The following EAF1 variants were observed in gnomAD, a reference collection of about 807,000 sequenced individuals.
The protein encoded by EAF1 is ELL associated factor 1.
EAF1 carries 19 observed loss-of-function variants against 26.6 expected under a neutral mutation model. The ratio of observed to expected loss-of-function variants is 0.71; its 90% CI spans 0.50 to 1.05. EAF1 has a LOEUF of 1.05. Ranked by LOEUF, EAF1 falls within the 50% of genes least tolerant of loss-of-function variation. The pLI is 0.00. For missense variants in EAF1, 260 were observed against 335.5 expected (o/e 0.78, Z 1.76); for synonymous variants, 102 against 120.6 (o/e 0.85, Z 1.01).
intron 4 of EAF1, among the ~76,000 whole-genome samples, chr3:15,435,000 G>A (rs2061826322): frequency 1.3e-5 from 2 of 152,194 alleles, no homozygotes; most frequent in South Asian, 4.1e-4. Context: ...ATCGCTTGAA[G>A]TTGGGAGTTT....
In EAF1 at chr3:15,441,270, A is replaced by G. The variant is rs747443052; in HGVS notation, c.*2115A>G. The stretch of plus-strand genomic sequence containing the variant: ...CCAGCTTTACCCACCAGAGTAAGCA[A>G]TCTTTTCTTTTTAGAAATCAAGAAT... On this transcript the variant is annotated 3_prime_UTR_variant, in exon 6 of 6. Coordinates refer to ENST00000396842, the MANE Select transcript of EAF1 (RefSeq NM_033083.7). 6.5e-6 allele frequency: 1 copy of G among 153,694 alleles called. No homozygotes were observed. Among genetic ancestry groups the G allele is most frequent in the Non-Finnish European group, 1.5e-5 (1 of 68,048 alleles). 9.5% of individuals were successfully genotyped at this position (153,694 alleles called of 1,614,324 possible). A position where few individuals can be genotyped will look rare whatever the true frequency, so the allele number is the denominator to read the frequency against.
intron 2 of EAF1, among the ~76,000 whole-genome samples, chr3:15,430,332 T>G (rs1249692238): frequency 6.6e-6 from 1 of 151,768 alleles, no homozygotes; most frequent in Non-Finnish European, 1.5e-5. Flanking sequence ...TGATGGCACA[T>G]GTCTGTGGTT....
At chr3:15,437,246 CT>C (rs71045159) in intron 5 of EAF1, among the ~76,000 whole-genome samples, 7,887 of 120,388 alleles carry the variant, frequency 0.066, 591 homozygotes, top group African/African-American at 0.2. Context: ...AGTGTGGTGG[CT>C]TTTTTTTTTT....
Position 15,435,084 on chromosome 3 carries a change from T to G in EAF1, c.526+546T>G, listed in dbSNP as rs9824646. Among the ~76,000 whole-genome samples the G allele has an allele frequency of 6.1e-3, 927 of 152,158 alleles. 14 individuals carry two copies. Among genetic ancestry groups the G allele is most frequent in the African/African-American group, 0.021 (873 of 41,510 alleles). On this transcript the variant is annotated intron_variant, in intron 4 of 5. Transcript: ENST00000396842. ...AGCCTGGGCAATAACATCTCTTTTT[T>G]GGGGGGAAAAAAAGGATTAAAATGC...
At chr3:15,428,788 C>G (rs537738074) in intron 1 of EAF1, among the ~76,000 whole-genome samples, 35 of 152,166 alleles carry the variant, frequency 2.3e-4, no homozygotes, top group Non-Finnish European at 3.1e-4. Flanking sequence ...TTCCGTGGTG[C>G]TAACGCTGTT....
chr3:15,439,065 T>G (rs750879551), intron 5 of EAF1, 44 bp from the exon 6 acceptor site: 3 of 1,560,660 alleles, frequency 1.9e-6, no homozygotes, highest in Non-Finnish European at 2.6e-6. Context: ...ATTCTGTACT[T>G]TTGTTTGATT....
chr3:15,439,010 A>G, intron 5 of EAF1, 99 bp from the exon 6 acceptor site: 1 of 1,145,616 alleles, frequency 8.7e-7, no homozygotes. Context: ...CTGTAGTGTG[A>G]TAGCCAAGGC....
Position 15,434,504 on chromosome 3 carries a change from C to A in EAF1, c.492C>A (p.Pro164=), listed in dbSNP as rs1563415. 6 of 1,614,052 alleles carry A rather than the reference C, an allele frequency of 3.7e-6. No homozygotes were observed. Among genetic ancestry groups the A allele is most frequent in the Admixed American group, 3.3e-5 (2 of 60,010 alleles). ...GPKTSPLKDN[P]SPEPQLDDIK... ...AAACTTCTCCCTTGAAAGATAACCC[C>A]TCACCTGAACCTCAGTTGGATGACA... Residue 164 remains proline, a synonymous_variant, in exon 4 of 6, where the codon CCC becomes CCA. Transcript: ENST00000396842.
rs990221004 is a variant in EAF1 at position 15,441,387 on chromosome 3, T to A, written c.*2232T>A. On this transcript the variant is annotated 3_prime_UTR_variant, in exon 6 of 6. Transcript: ENST00000396842. ...TCTGTGCCTTCTCTCATTCTCCTTCTCTCCCTCCATACCCCACTTTTGAGG... is the reference window on the plus strand; with the variant it reads ...TCTGTGCCTTCTCTCATTCTCCTTCACTCCCTCCATACCCCACTTTTGAGG... The A allele has an allele frequency of 6.5e-6, 1 of 153,388 alleles. No homozygotes were observed. Among genetic ancestry groups the A allele is most frequent in the Non-Finnish European group, 1.5e-5 (1 of 68,050 alleles). The allele number at this position is 153,388 out of a possible 1,614,324, so 9.5% of individuals were successfully genotyped here.
intron 2 of EAF1, among the ~76,000 whole-genome samples, chr3:15,431,484 T>C (rs1341219568): frequency 7.2e-5 from 11 of 152,206 alleles, no homozygotes; most frequent in Non-Finnish European, 1.5e-4. Flanking sequence ...CCTTCTGCTC[T>C]GAAGCACATG....
Position 15,439,152 on chromosome 3 carries a change from C to T in EAF1, c.804C>T (p.Asp268=), listed in dbSNP as rs775428925. ...GTGAGTCTGGCAGTGACAGTGATGA[C>T]TAGTGCTGGATCTTTCGAAACCTAC... The part of the protein sequence containing the change: ...QLSESGSDSD[D] Residue 268 remains aspartate, a synonymous_variant, in exon 6 of 6, where the codon GAC becomes GAT. Transcript: ENST00000396842. 14 of 1,612,972 alleles carry T rather than the reference C, an allele frequency of 8.7e-6. No individual in the cohort carries two copies. In the South Asian group the frequency reaches 1.3e-4, roughly 15 times the overall value.
Position 15,440,078 on chromosome 3 carries a change from C to T in EAF1, c.*923C>T, listed in dbSNP as rs988939496. Reference sequence around the variant, plus strand: ...ATGTGGATCCATACTAAGTATTCTTCAGTCAGTGGATTTTAGCAAGGGGAG... The same window carrying T: ...ATGTGGATCCATACTAAGTATTCTTTAGTCAGTGGATTTTAGCAAGGGGAG... On this transcript the variant is annotated 3_prime_UTR_variant, in exon 6 of 6. Coordinates refer to ENST00000396842, the MANE Select transcript of EAF1 (RefSeq NM_033083.7). The T allele has an allele frequency of 2.0e-5, 3 of 152,206 alleles. No homozygotes were observed. The highest frequency in any genetic ancestry group is 4.4e-5 in the Non-Finnish European group (3 of 68,040). The allele number at this position is 152,206 out of a possible 1,614,324, so 9.4% of individuals were successfully genotyped here.
chr3:15,428,924 A>T (rs2061778649), intron 1 of EAF1, among the ~76,000 whole-genome samples: 1 of 152,238 alleles, frequency 6.6e-6, no homozygotes. Context: ...CTTCCTACTG[A>T]CAGCAGATCC....
At position 15,434,201 on chromosome 3, in the gene EAF1, A is replaced by G. The variant is rs559941958; in HGVS notation, c.336-147A>G. ...CACTCAAATGTTGAATGAATAGCTC[A>G]CATGACAAAATTACAAGTATCAGTA... On this transcript the variant is annotated intron_variant, in intron 3 of 5. Transcript: ENST00000396842. 12 of 858,984 alleles carry G rather than the reference A, an allele frequency of 1.4e-5. No homozygotes were observed. In the South Asian group the frequency reaches 2.1e-4, roughly 15 times the overall value. 53.2% of individuals were successfully genotyped at this position (858,984 alleles called of 1,614,324 possible). A position where few individuals can be genotyped will look rare whatever the true frequency, so the allele number is the denominator to read the frequency against.
intron 2 of EAF1, among the ~76,000 whole-genome samples, chr3:15,430,375 G>A (rs1295969860): frequency 1.3e-5 from 2 of 150,676 alleles, no homozygotes; most frequent in African/African-American, 4.9e-5. Context: ...TGGGAGGATC[G>A]CTTGAGCCTG....
intron 3 of EAF1, among the ~76,000 whole-genome samples, chr3:15,433,984 C>T (rs1048729902): frequency 3.9e-5 from 6 of 152,230 alleles, no homozygotes; most frequent in African/African-American, 1.4e-4. Flanking sequence ...GAAATCACCT[C>T]ATGATGCAGT....
At chr3:15,436,640 C>A in intron 5 of EAF1, 65 bp downstream of exon 5, 1 of 1,334,964 alleles carries the variant, frequency 7.5e-7, no homozygotes, top group South Asian at 1.7e-5. Context: ...TTATCCTGTG[C>A]CAGAACTTAC....
At position 15,442,420 on chromosome 3, in the gene EAF1, C is replaced by T. The variant is rs28667372; in HGVS notation, c.*3265C>T. On this transcript the variant is annotated 3_prime_UTR_variant, in exon 6 of 6. Coordinates refer to ENST00000396842, the MANE Select transcript of EAF1 (RefSeq NM_033083.7). ...AGTTAGGAAATGTGAGTTTTTGTTA[C>T]TTCTGTTATTCCAGTCTTGGTTTCA... The T allele has an allele frequency of 2.0e-5, 3 of 152,516 alleles. No individual in the cohort carries two copies. The highest frequency in any genetic ancestry group is 4.8e-5 in the African/African-American group (2 of 41,384). 9.4% of individuals were successfully genotyped at this position (152,516 alleles called of 1,614,324 possible). A position where few individuals can be genotyped will look rare whatever the true frequency, so the allele number is the denominator to read the frequency against.
intron 5 of EAF1, among the ~76,000 whole-genome samples, chr3:15,436,964 C>T (rs537309046): frequency 7.2e-5 from 11 of 151,946 alleles, no homozygotes; most frequent in East Asian, 3.9e-4. Context: ...GGTGCAATCT[C>T]GGCTTACTGC....
Sources: gnomAD v4.1 joint callset for allele counts (sites outside exome capture counted in the v4.1 genomes callset) on GRCh38, gnomAD v4.1.1 for gene constraint, MANE v1.5 for transcripts, NCBI Gene and HGNC (gene_info 2026-07-23, HGNC 2026-07-21) for gene names.